The following AR variants were observed in gnomAD, a reference collection of about 807,000 sequenced individuals.
AR encodes the protein androgen receptor, also known as dihydrotestosterone receptor.
In AR, 8 loss-of-function variants were observed where a neutral mutation model predicts 53.9. The ratio of observed to expected loss-of-function variants is 0.15; its 90% confidence interval spans 0.09 to 0.27. The LOEUF is 0.27. AR is among the 10% of genes least tolerant of loss of function. The probability of loss-of-function intolerance (pLI) is 1.00; values close to 1 mark genes in which losing one functional copy is unlikely to be tolerated. For synonymous variants in AR, 359 were observed against 316.4 expected, an observed-to-expected ratio of 1.13 and a Z score of -1.43; for missense variants, 639 against 742.5, an observed-to-expected ratio of 0.86 and a Z score of 1.62.
In AR at chrX:67,724,295, AC is replaced by A; in HGVS notation, c.*455del. On this transcript the variant is annotated 3_prime_UTR_variant, in exon 8 of 8. Coordinates refer to ENST00000374690, the MANE Select transcript of AR (RefSeq NM_000044.6). ...AAGCAAACAAAAAAAAAAAGCAAAA[AC>A]AAAACAAAAAATAAGCCAAAAAACC... 5.5e-6 allele frequency: 1 copy of A among 180,738 alleles called. No individual in the cohort carries two copies. The highest frequency in any genetic ancestry group is 7.9e-5 in the East Asian group (1 of 12,653). The allele number at this position is 180,738 out of a possible 1,213,427, so 14.9% of individuals were successfully genotyped here. A position where few individuals can be genotyped will look rare whatever the true frequency, so the allele number is the denominator to read the frequency against.
intron 1 of AR, among the ~76,000 whole-genome samples, chrX:67,577,588 G>T (rs1013287398): frequency 9.0e-5 from 10 of 111,052 alleles, no homozygotes; most frequent in Non-Finnish European, 1.7e-4. Context: ...TTTACATTTT[G>T]ACCAGAAGTA....
At position 67,705,193 on chromosome X, in the gene AR, A is replaced by G. The variant is rs757986048; in HGVS notation, c.1886-6209A>G. ...TCCAATTCTGTGGAGAAAGTCATTGATAGCTTGATGGGGATGGCATTGAAT... is the reference window on the plus strand; with the variant it reads ...TCCAATTCTGTGGAGAAAGTCATTGGTAGCTTGATGGGGATGGCATTGAAT... On this transcript the variant is annotated intron_variant, in intron 3 of 7. Coordinates refer to ENST00000374690, the MANE Select transcript of AR (RefSeq NM_000044.6). Among the ~76,000 whole-genome samples the G allele has an allele frequency of 7.3e-3, 815 of 111,540 alleles. 5 individuals carry two copies. Among genetic ancestry groups the G allele is most frequent in the Non-Finnish European group, 0.011 (587 of 53,035 alleles).
At chrX:67,681,305 C>T (rs1201872671) in intron 2 of AR, among the ~76,000 whole-genome samples, 1 of 111,289 alleles carries the variant, frequency 9.0e-6, no homozygotes, top group African/African-American at 3.3e-5. Flanking sequence ...TATAGAGGAC[C>T]TTCTAGAACC....
At chrX:67,711,795 C>A in intron 4 of AR, 106 bp downstream of exon 4, 9 of 824,448 alleles carry the variant, frequency 1.1e-5, no homozygotes, top group Non-Finnish European at 1.5e-5. Context: ...TTAACTCAGG[C>A]AGTCTTCATC....
At chrX:67,615,186 T>C (rs949764384) in intron 1 of AR, among the ~76,000 whole-genome samples, 1 of 111,177 alleles carries the variant, frequency 9.0e-6, no homozygotes, top group African/African-American at 3.3e-5. Flanking sequence ...GGATAAAATC[T>C]TCCAAAATTT....
chrX:67,560,181 C>G (rs922610897), intron 1 of AR, among the ~76,000 whole-genome samples: 1 of 111,109 alleles, frequency 9.0e-6, no homozygotes, highest in Non-Finnish European at 1.9e-5. Context: ...TTCAGAGTTC[C>G]CCATCAAAGA....
At position 67,546,283 on chromosome X, in the gene AR, G is replaced by A. The variant is rs762262181; in HGVS notation, c.1137G>A (p.Pro379=). Residue 379 remains proline (P), a synonymous_variant, in exon 1 of 8, where the codon CCG becomes CCA. Transcript: ENST00000374690. The stretch of plus-strand genomic sequence containing the variant: ...TGGCCGGACCGCCGCCCCCTCCGCC[G>A]CCTCCCCATCCCCACGCTCGCATCA... ...LALAGPPPPP[P]PPHPHARIKL... The A allele has an allele frequency of 1.7e-6, 2 of 1,199,309 alleles. No homozygotes were observed. The highest frequency in any genetic ancestry group is 2.2e-6 in the Non-Finnish European group (2 of 890,619).
chrX:67,626,610 T>TTATATATATATA (rs201252311), intron 1 of AR, among the ~76,000 whole-genome samples: 29 of 85,146 alleles, frequency 3.4e-4, no homozygotes, highest in African/African-American at 1.1e-3. Context: ...CCGACTAATT[T>TTATATATATATA]TATATATATA....
At chrX:67,560,509 C>T (rs982857823) in intron 1 of AR, among the ~76,000 whole-genome samples, 8 of 111,771 alleles carry the variant, frequency 7.2e-5, no homozygotes, top group African/African-American at 1.6e-4. Context: ...CCCTATTCTT[C>T]GTGCTTAATG....
chrX:67,690,191 T>G (rs1231814736), intron 3 of AR, among the ~76,000 whole-genome samples: 6 of 112,003 alleles, frequency 5.4e-5, no homozygotes, highest in Admixed American at 2.8e-4. Context: ...CAGCATTTAC[T>G]TCACAGATTC....
intron 2 of AR, among the ~76,000 whole-genome samples, chrX:67,666,270 T>A (rs1251611449): frequency 9.0e-6 from 1 of 111,432 alleles, no homozygotes; most frequent in African/African-American, 3.3e-5. Flanking sequence ...TGAGCTCAAT[T>A]GTTTTAAGTT....
At chrX:67,672,706 T>C (rs1407884720) in intron 2 of AR, among the ~76,000 whole-genome samples, 1 of 111,533 alleles carries the variant, frequency 9.0e-6, no homozygotes, top group Non-Finnish European at 1.9e-5. Flanking sequence ...TTGTACTGTT[T>C]ATGTCTTGAA....
In AR at chrX:67,726,959, T is replaced by C. The variant is rs1398166053; in HGVS notation, c.*3118T>C. The C allele has an allele frequency of 1.2e-5, 2 of 172,373 alleles. No homozygotes were observed. The highest frequency in any genetic ancestry group is 5.9e-5 in the African/African-American group (2 of 33,894). The allele number at this position is 172,373 out of a possible 1,213,427, so 14.2% of individuals were successfully genotyped here. A position where few individuals can be genotyped will look rare whatever the true frequency, so the allele number is the denominator to read the frequency against. ...CTCCAAACAAGTTGGCAGTGCTCGA[T>C]GTGGACGAAGAGTGAGGAAGAGAAA... On this transcript the variant is annotated 3_prime_UTR_variant, in exon 8 of 8. Coordinates refer to ENST00000374690, the MANE Select transcript of AR (RefSeq NM_000044.6).
chrX:67,660,614 T>A (rs1041166441), intron 2 of AR, among the ~76,000 whole-genome samples: 5 of 111,968 alleles, frequency 4.5e-5, no homozygotes, highest in Non-Finnish European at 9.4e-5. Flanking sequence ...TTGGCTACTG[T>A]AGCCTTGTAG....
At chrX:67,685,102 G>A (rs1253991182) in intron 2 of AR, among the ~76,000 whole-genome samples, 2 of 111,347 alleles carry the variant, frequency 1.8e-5, no homozygotes, top group African/African-American at 3.3e-5. Flanking sequence ...AGTTCTGCGT[G>A]TTTCAGAGCA....
chrX:67,719,457 ACCTCGG>A (rs777898294), intron 5 of AR, among the ~76,000 whole-genome samples: 30 of 110,711 alleles, frequency 2.7e-4, no homozygotes, highest in African/African-American at 8.9e-4. Flanking sequence ...GTGGCATCCC[ACCTCGG>A]CTTCCTGGTC....
intron 1 of AR, among the ~76,000 whole-genome samples, chrX:67,629,374 A>T (rs1259288342): frequency 9.1e-6 from 1 of 109,485 alleles, no homozygotes; most frequent in Non-Finnish European, 1.9e-5. Context: ...GGGAGGGTGT[A>T]TGTGTCAAGG....
intron 1 of AR, among the ~76,000 whole-genome samples, chrX:67,609,273 A>C (rs945385724): frequency 2.7e-5 from 3 of 111,543 alleles, no homozygotes; most frequent in Non-Finnish European, 5.7e-5. Context: ...TGGAGTTATT[A>C]GGTCAAAGAG....
At position 67,728,576 on chromosome X, in the gene AR, TATATA is replaced by T. The variant is rs1414966883; in HGVS notation, c.*4736_*4740del. 1.6e-4 allele frequency: 11 copies of T among 66,844 alleles called. No homozygotes were observed. Among genetic ancestry groups the T allele is most frequent in the Admixed American group, 3.3e-4 (2 of 6,061 alleles). The allele number at this position is 66,844 out of a possible 1,213,427, so 5.5% of individuals were successfully genotyped here. On this transcript the variant is annotated 3_prime_UTR_variant, in exon 8 of 8. Transcript: ENST00000374690. ...TTGTATCCATGTTTCAAAATTGAAA[TATATA>T]TATATATATATATATATATATATAT...
Sources: gnomAD v4.1 joint callset for allele counts (sites outside exome capture counted in the v4.1 genomes callset) on GRCh38, gnomAD v4.1.1 for gene constraint, MANE v1.5 for transcripts, NCBI Gene and HGNC (gene_info 2026-07-23, HGNC 2026-07-21) for gene names.